PREX1: variants seen among roughly 807,000 people sequenced by gnomAD.
PREX1 encodes the protein phosphatidylinositol-3,4,5-trisphosphate dependent Rac exchange factor 1.
In PREX1, 41 loss-of-function variants were observed where a neutral mutation model predicts 198.3. The observed-to-expected ratio is 0.21, with a 90% CI of 0.16 to 0.27. The LOEUF (loss-of-function observed/expected upper bound fraction) is 0.27. Ranked by LOEUF, PREX1 falls within the 10% of genes least tolerant of loss-of-function variation. The pLI, the probability that PREX1 is intolerant of heterozygous loss-of-function variation, is 1.00. For missense variants in PREX1, 1,620 were observed against 2,200.7 expected, an observed-to-expected ratio of 0.74 and a Z score of 5.28; for synonymous variants, 843 against 887.2, an observed-to-expected ratio of 0.95 and a Z score of 0.89.
At chr20:48,845,302 C>T in the PREX1 span, among the ~76,000 whole-genome samples, 1 of 152,144 alleles carries the variant, frequency 6.6e-6, no homozygotes, top group Non-Finnish European at 1.5e-5. Flanking sequence ...TAGAAAAATA[C>T]AGGGAGGCAC....
the PREX1 span, among the ~76,000 whole-genome samples, chr20:48,883,464 C>G: frequency 6.6e-6 from 1 of 152,042 alleles, no homozygotes; most frequent in African/African-American, 2.4e-5. Flanking sequence ...TTTTATTCTA[C>G]TTTCAGATGT....
chr20:48,791,109 C>T (rs1037135940), intron 1 of PREX1, among the ~76,000 whole-genome samples: 10 of 152,194 alleles, frequency 6.6e-5, no homozygotes, highest in East Asian at 1.9e-4. Context: ...ATGCAGAAAA[C>T]GGCACCCCAG....
intron 3 of PREX1, among the ~76,000 whole-genome samples, chr20:48,742,050 G>A (rs959278046): frequency 2.0e-5 from 3 of 152,164 alleles, no homozygotes; most frequent in Non-Finnish European, 4.4e-5. Context: ...TGGCTCAGGG[G>A]AGAACCAATC....
At chr20:48,750,158 C>T (rs1482244071) in intron 1 of PREX1, among the ~76,000 whole-genome samples, 1 of 152,198 alleles carries the variant, frequency 6.6e-6, no homozygotes, top group East Asian at 1.9e-4. Context: ...ACTCCATTTC[C>T]AATACATCAG....
At chr20:48,730,419 AC>A (rs2090029727) in intron 4 of PREX1, among the ~76,000 whole-genome samples, 1 of 145,368 alleles carries the variant, frequency 6.9e-6, no homozygotes, top group African/African-American at 2.7e-5. Context: ...GCCACCACAC[AC>A]ACACACACAC....
intron 4 of PREX1, 99 bp from the exon 5 acceptor site, chr20:48,726,490 T>A: frequency 1.2e-6 from 1 of 851,096 alleles, no homozygotes; most frequent in Non-Finnish European, 1.9e-6. Flanking sequence ...ACAGCTACAA[T>A]CACTTGGCAA....
intron 5 of PREX1, among the ~76,000 whole-genome samples, chr20:48,720,367 G>T (rs572080715): frequency 6.6e-6 from 1 of 152,252 alleles, no homozygotes; most frequent in Admixed American, 6.5e-5. Context: ...AAGGGGACAG[G>T]GGTTCAAGCT....
At position 48,650,176 on chromosome 20, in the gene PREX1, G is replaced by A. The variant is rs777941185; in HGVS notation, c.2848C>T (p.Pro950Ser). Residue 950 changes from proline (P) to serine (S), a missense_variant, in exon 24 of 40, where the codon CCA (proline) becomes TCA (serine). Transcript: ENST00000371941. ...FAAQLKSRVS[P>S]PFKQAPLEPH... ...TCCAGGGGGGCTTGTTTGAAGGGTG[G>A]GCTGACCCTGCTCTTCAGTTGGGCT... The A allele has an allele frequency of 3.7e-6, 6 of 1,613,484 alleles. No individual in the cohort carries two copies. The highest frequency in any genetic ancestry group is 8.5e-7 in the Non-Finnish European group (1 of 1,179,722).
intron 1 of PREX1, among the ~76,000 whole-genome samples, chr20:48,786,355 A>C (rs2090312278): frequency 6.6e-6 from 1 of 152,172 alleles, no homozygotes; most frequent in Non-Finnish European, 1.5e-5. Context: ...GAGACCCTAG[A>C]ACCTGGGCCC....
chr20:48,876,338 G>A, the PREX1 span, among the ~76,000 whole-genome samples: 1 of 152,214 alleles, frequency 6.6e-6, no homozygotes, highest in African/African-American at 2.4e-5. Context: ...CTGTCTGTGG[G>A]ATCCGCCCTT....
chr20:48,779,934 A>T (rs2090280712), intron 1 of PREX1, among the ~76,000 whole-genome samples: 1 of 152,210 alleles, frequency 6.6e-6, no homozygotes, highest in African/African-American at 2.4e-5. Flanking sequence ...CTGTAGTGGT[A>T]AGTATATAAC....
chr20:48,829,689 T>C (rs571190708), upstream of PREX1, among the ~76,000 whole-genome samples: 29 of 152,338 alleles, frequency 1.9e-4, no homozygotes, highest in African/African-American at 6.7e-4. Flanking sequence ...GACTTTAAAC[T>C]GTTCACGGTA....
chr20:48,693,057 G>A (rs2089827475), intron 7 of PREX1, among the ~76,000 whole-genome samples: 1 of 152,212 alleles, frequency 6.6e-6, no homozygotes, highest in Admixed American at 6.5e-5. Flanking sequence ...GGAGACATGG[G>A]AGACCAACAG....
chr20:48,643,230 G>A (rs574270983), intron 27 of PREX1, among the ~76,000 whole-genome samples: 1 of 152,228 alleles, frequency 6.6e-6, no homozygotes, highest in Non-Finnish European at 1.5e-5. Context: ...CAGCAATTTG[G>A]GAGGCCGGGG....
intron 5 of PREX1, among the ~76,000 whole-genome samples, chr20:48,719,125 C>T (rs979956255): frequency 1.3e-5 from 2 of 152,228 alleles, no homozygotes; most frequent in African/African-American, 4.8e-5. Flanking sequence ...AGAGGTTCAG[C>T]AACTTGCCCT....
chr20:48,645,434 G>T (rs1450498765), intron 26 of PREX1, among the ~76,000 whole-genome samples: 1 of 152,166 alleles, frequency 6.6e-6, no homozygotes, highest in Non-Finnish European at 1.5e-5. Context: ...AGAAAATTTA[G>T]ATCTTCTCAG....
intron 1 of PREX1, among the ~76,000 whole-genome samples, chr20:48,762,215 C>T (rs751249619): frequency 3.3e-5 from 5 of 152,220 alleles, no homozygotes; most frequent in African/African-American, 4.8e-5. Context: ...GGTCTAAAAT[C>T]CTTCCCATTC....
intron 1 of PREX1, among the ~76,000 whole-genome samples, chr20:48,804,901 G>T (rs2090404913): frequency 6.6e-6 from 1 of 152,208 alleles, no homozygotes; most frequent in South Asian, 2.1e-4. Flanking sequence ...GAGTGGCGGG[G>T]AGGAGGCAGC....
chr20:48,693,558 C>A (rs565188339), intron 7 of PREX1, among the ~76,000 whole-genome samples: 1 of 152,282 alleles, frequency 6.6e-6, no homozygotes, highest in Non-Finnish European at 1.5e-5. Flanking sequence ...TCCACAGCCT[C>A]CAGAACTGTA....
Sources: gnomAD v4.1 joint callset for allele counts (sites outside exome capture counted in the v4.1 genomes callset) on GRCh38, gnomAD v4.1.1 for gene constraint, MANE v1.5 for transcripts, NCBI Gene and HGNC (gene_info 2026-07-23, HGNC 2026-07-21) for gene names.